Variants in GLIS3 observed in about 807,000 individuals in gnomAD.
GLIS3 encodes GLIS family zinc finger 3.
A neutral mutation model predicts 78.6 loss-of-function variants in GLIS3; 53 were observed. The ratio of observed to expected loss-of-function variants is 0.67; its 90% CI spans 0.54 to 0.85. The LOEUF (loss-of-function observed/expected upper bound fraction) is 0.85. Among genes scored for constraint, GLIS3 ranks in the 40% least tolerant of loss-of-function variants. The pLI is 0.00. For missense variants in GLIS3, 1,703 were observed against 1,231.1 expected (o/e 1.38, Z -5.74); for synonymous variants, 684 against 509.9 (o/e 1.34, Z -4.60).
chr9:3,999,537 G>A (rs1022954831), intron 4 of GLIS3, among the ~76,000 whole-genome samples: 5 of 151,988 alleles, frequency 3.3e-5, no homozygotes. Flanking sequence ...ACCATGGGGG[G>A]AAATACTAAC....
chr9:4,014,135 G>C (rs980247581), intron 4 of GLIS3, among the ~76,000 whole-genome samples: 6 of 152,192 alleles, frequency 3.9e-5, no homozygotes, highest in Non-Finnish European at 8.8e-5. Context: ...TTTGATACTT[G>C]CCTTTCTGGT....
Position 3,828,043 on chromosome 9 carries a change from C to T in GLIS3, c.*229G>A, listed in dbSNP as rs1409225412. The stretch of plus-strand genomic sequence containing the variant: ...TCTAAATTCCCTTTGAAAAGACAGT[C>T]CTCCTGGTCACATAGTCCAGGAAAA... On this transcript the variant is annotated 3_prime_UTR_variant, in exon 11 of 11. Transcript: ENST00000381971. 4 of 572,698 alleles carry T rather than the reference C, an allele frequency of 7.0e-6. No homozygotes were observed. The highest frequency in any genetic ancestry group is 3.0e-5 in the Admixed American group (1 of 33,580). The allele number at this position is 572,698 out of a possible 1,614,324, so 35.5% of individuals were successfully genotyped here. A position where few individuals can be genotyped will look rare whatever the true frequency, so the allele number is the denominator to read the frequency against.
intron 2 of GLIS3, among the ~76,000 whole-genome samples, chr9:4,211,589 G>C (rs12337783): frequency 6.6e-6 from 1 of 152,118 alleles, no homozygotes; most frequent in Non-Finnish European, 1.5e-5. Flanking sequence ...CATGTAAAAT[G>C]GTGAAGCAAC....
the GLIS3 span, among the ~76,000 whole-genome samples, chr9:4,437,420 G>GTATGTATGTATGTATGTATGTATCTATC: frequency 2.4e-5 from 3 of 127,038 alleles, 1 homozygote; most frequent in South Asian, 7.9e-4. Flanking sequence ...ATGTATGTAT[G>GTATGTATGTATGTATGTATGTATCTATC]TATCTATCTA....
chr9:4,048,332 T>G (rs1382713401), intron 4 of GLIS3, among the ~76,000 whole-genome samples: 2 of 152,178 alleles, frequency 1.3e-5, no homozygotes, highest in Non-Finnish European at 2.9e-5. Flanking sequence ...AAAAAGCTGT[T>G]AGATGGTTCA....
chr9:4,109,067 A>C (rs927718054), intron 4 of GLIS3, among the ~76,000 whole-genome samples: 1 of 152,164 alleles, frequency 6.6e-6, no homozygotes, highest in Admixed American at 6.5e-5. Flanking sequence ...TTTGATGGGA[A>C]TTGATTTAAT....
intron 2 of GLIS3, among the ~76,000 whole-genome samples, chr9:4,138,180 T>C (rs1221989061): frequency 6.6e-6 from 1 of 152,206 alleles, no homozygotes; most frequent in Admixed American, 6.5e-5. Flanking sequence ...AGTGGAATTA[T>C]TATACTTACT....
At chr9:4,307,375 C>T (rs1448282772) in intron 4 of GLIS3, among the ~76,000 whole-genome samples, 9 of 152,020 alleles carry the variant, frequency 5.9e-5, no homozygotes, top group African/African-American at 1.9e-4. Context: ...ACGACGCTAC[C>T]GTGATACTGA....
At chr9:4,256,680 T>C (rs985297523) in intron 2 of GLIS3, among the ~76,000 whole-genome samples, 2 of 152,246 alleles carry the variant, frequency 1.3e-5, no homozygotes, top group African/African-American at 4.8e-5. Flanking sequence ...ATTCACTTTA[T>C]TGTAGACAAA....
intron 4 of GLIS3, among the ~76,000 whole-genome samples, chr9:4,080,743 G>C (rs61106637): frequency 5.4e-4 from 82 of 152,300 alleles, no homozygotes; most frequent in African/African-American, 1.8e-3. Flanking sequence ...GTCAACAAAA[G>C]AGAGAAGTCT....
intron 4 of GLIS3, among the ~76,000 whole-genome samples, chr9:3,956,717 T>C (rs1451456523): frequency 6.6e-6 from 1 of 152,222 alleles, no homozygotes; most frequent in Non-Finnish European, 1.5e-5. Context: ...AAGTAACTCC[T>C]TCCATGTGCC....
chr9:3,886,030 G>A (rs1473361431), intron 7 of GLIS3, among the ~76,000 whole-genome samples: 1 of 152,176 alleles, frequency 6.6e-6, no homozygotes, highest in Non-Finnish European at 1.5e-5. Context: ...ATGCCTGAAC[G>A]CCAGTCAAGT....
intron 8 of GLIS3, chr9:3,878,574 A>G (rs1366548429): frequency 6.6e-6 from 1 of 152,112 alleles, no homozygotes; most frequent in African/African-American, 2.4e-5. Context: ...TGCCTATTCA[A>G]CCCATTATTT....
the GLIS3 span, among the ~76,000 whole-genome samples, chr9:4,389,432 G>C: frequency 1.3e-5 from 2 of 152,170 alleles, no homozygotes; most frequent in Non-Finnish European, 2.9e-5. Flanking sequence ...CATTTTGCCT[G>C]GATATCGCAC....
At chr9:4,351,883 C>G (rs536832495), upstream of GLIS3, among the ~76,000 whole-genome samples, 1 of 152,032 alleles carries the variant, frequency 6.6e-6, no homozygotes, top group South Asian at 2.1e-4. Context: ...AAAATGCACA[C>G]AGGATTCTGA....
intron 4 of GLIS3, among the ~76,000 whole-genome samples, chr9:3,939,058 C>A (rs760712318): frequency 6.6e-6 from 1 of 152,172 alleles, no homozygotes; most frequent in East Asian, 1.9e-4. Flanking sequence ...GTTTTAGACA[C>A]GCCAAGACTG....
Position 4,025,449 on chromosome 9 carries a change from G to A in GLIS3, c.1711-88260C>T, listed in dbSNP as rs141517435. Among the ~76,000 whole-genome samples the A allele has an allele frequency of 2.3e-4, 35 of 152,132 alleles. No individual in the cohort carries two copies. In the East Asian group the frequency reaches 2.3e-3, roughly 10 times the overall value. ...TGTGGCCAGGCTGGAGTGGGGTGGC[G>A]TGATCTTGGCTCACCGCAACCTCCG... On this transcript the variant is annotated intron_variant, in intron 4 of 10. Transcript: ENST00000381971.
chr9:4,045,896 C>A (rs1167261712), intron 4 of GLIS3, among the ~76,000 whole-genome samples: 1 of 152,110 alleles, frequency 6.6e-6, no homozygotes, highest in Non-Finnish European at 1.5e-5. Context: ...TACTTTTAAA[C>A]TGAAGAAGAA....
rs190740868 is a variant in GLIS3 at position 3,976,447 on chromosome 9, T to C, written c.1711-39258A>G. 3.0e-3 allele frequency among the ~76,000 whole-genome samples: 453 copies of C among 152,050 alleles called. 4 individuals carry two copies. Among genetic ancestry groups the C allele is most frequent in the Non-Finnish European group, 5.5e-3 (372 of 67,984 alleles). On this transcript the variant is annotated intron_variant, in intron 4 of 10. Coordinates refer to ENST00000381971, the MANE Select transcript of GLIS3 (RefSeq NM_001042413.2). ...AATAACTGGAATGACAAGAAAGCGATGGCAGATTCTTGCCACCAAATGCAG... is the reference window on the plus strand; with the variant it reads ...AATAACTGGAATGACAAGAAAGCGACGGCAGATTCTTGCCACCAAATGCAG...
Sources: gnomAD v4.1 joint callset for allele counts (sites outside exome capture counted in the v4.1 genomes callset) on GRCh38, gnomAD v4.1.1 for gene constraint, MANE v1.5 for transcripts, NCBI Gene and HGNC (gene_info 2026-07-23, HGNC 2026-07-21) for gene names.